Variants in UBAP1 observed in about 807,000 individuals in gnomAD.
UBAP1 encodes ubiquitin-associated protein 1.
In UBAP1, 5 loss-of-function variants were observed where a neutral mutation model predicts 39.0. The observed-to-expected ratio is 0.13, with a 90% CI of 0.07 to 0.27. The LOEUF is 0.27. UBAP1 is among the 10% of genes least tolerant of loss of function. The pLI is 1.00. For synonymous variants in UBAP1, 211 were observed against 225.1 expected (o/e 0.94, Z 0.56); for missense variants, 490 against 608.1 (o/e 0.81, Z 2.04).
At chr9:34,205,565 A>G (rs1310387008) in intron 1 of UBAP1, among the ~76,000 whole-genome samples, 2 of 152,194 alleles carry the variant, frequency 1.3e-5, no homozygotes, top group Non-Finnish European at 2.9e-5. Context: ...GGGAGAGAGT[A>G]AGTGAAAAGC....
At chr9:34,185,521 C>A (rs1830358437) in intron 1 of UBAP1, among the ~76,000 whole-genome samples, 1 of 152,116 alleles carries the variant, frequency 6.6e-6, no homozygotes, top group African/African-American at 2.4e-5. Flanking sequence ...TGCACTCCAG[C>A]CTGGGCAACA....
intron 1 of UBAP1, among the ~76,000 whole-genome samples, chr9:34,218,683 C>T (rs1832485126): frequency 6.6e-6 from 1 of 152,094 alleles, no homozygotes; most frequent in East Asian, 1.9e-4. Flanking sequence ...CCTGTAATTG[C>T]AGCACTTTGG....
intron 2 of UBAP1, among the ~76,000 whole-genome samples, chr9:34,224,858 C>T (rs1203951217): frequency 6.6e-6 from 1 of 152,130 alleles, no homozygotes; most frequent in African/African-American, 2.4e-5. Context: ...GCTGCTTAGC[C>T]TTTCTTCACT....
At chr9:34,225,885 CTAATT>C (rs1279941054) in intron 2 of UBAP1, among the ~76,000 whole-genome samples, 1 of 151,788 alleles carries the variant, frequency 6.6e-6, no homozygotes, top group African/African-American at 2.4e-5. Context: ...TGTTGAGACT[CTAATT>C]TATGAAAAAA....
At chr9:34,183,470 G>C (rs566501722) in intron 1 of UBAP1, among the ~76,000 whole-genome samples, 2 of 151,032 alleles carry the variant, frequency 1.3e-5, no homozygotes, top group East Asian at 4.0e-4. Flanking sequence ...GCGTGAACCC[G>C]GCCACTCCAG....
chr9:34,236,936 T>C (rs1353543861), intron 3 of UBAP1, among the ~76,000 whole-genome samples: 1 of 152,100 alleles, frequency 6.6e-6, no homozygotes, highest in African/African-American at 2.4e-5. Context: ...ACGTTACTAG[T>C]AGTCTGTTAG....
intron 1 of UBAP1, among the ~76,000 whole-genome samples, chr9:34,187,718 TA>T (rs1183817819): frequency 4.6e-5 from 7 of 151,670 alleles, no homozygotes; most frequent in East Asian, 1.9e-4. Flanking sequence ...CTTTTTTTTT[TA>T]AACTCTGTCC....
rs377595940 is a variant in UBAP1, at chr9:34,241,434, A to G, written c.409A>G (p.Ser137Gly). The change falls in exon 4 of 7, where the codon AGT (serine) becomes GGT (glycine). Residue 137 changes from serine to glycine, a missense_variant. Physicochemically the swap from Ser to Gly is moderately conservative, Grantham distance 56. This residue lies in a region of UBAP1 where 144 missense variants were observed against 184.4 expected (regional missense o/e 0.78). Transcript: ENST00000297661. ...CATCCTCACACCAACTCGGGTCAGC[A>G]GTAGTGCCACGAAACAGAAAGTTCT... ...NSILTPTRVSSSATKQKVLSP... is the reference protein window; with the variant it reads ...NSILTPTRVSGSATKQKVLSP... 2.4e-5 allele frequency: 39 copies of G among 1,599,904 alleles called. 1 individual carries two copies. The highest frequency in any genetic ancestry group is 1.7e-4 in the Middle Eastern group (1 of 6,012).
chr9:34,250,123 A>C (rs1308418477), intron 5 of UBAP1, among the ~76,000 whole-genome samples, 162 bp downstream of exon 5: 1 of 152,216 alleles, frequency 6.6e-6, no homozygotes, highest in Non-Finnish European at 1.5e-5. Flanking sequence ...CCTTGGGAGC[A>C]GTACTTCTTT....
At chr9:34,222,841 A>T (rs1419300607) in intron 2 of UBAP1, among the ~76,000 whole-genome samples, 1 of 152,130 alleles carries the variant, frequency 6.6e-6, no homozygotes, top group East Asian at 1.9e-4. Context: ...TTAAGAAAAG[A>T]AAAAGGGAAA....
At chr9:34,231,125 TTATGTGTGTGTGTGTGTGTGTGTGTGTG>T (rs1225699023) in intron 2 of UBAP1, among the ~76,000 whole-genome samples, 2 of 96,694 alleles carry the variant, frequency 2.1e-5, no homozygotes, top group African/African-American at 9.5e-5. Flanking sequence ...TTTAAAAAAA[TTATGTGTGTGTGTGTGTGTGTGTGTGTG>T]TGTGTGTGTG....
At chr9:34,235,249 TAG>T (rs992382749) in intron 3 of UBAP1, among the ~76,000 whole-genome samples, 2 of 151,988 alleles carry the variant, frequency 1.3e-5, no homozygotes, top group African/African-American at 4.8e-5. Flanking sequence ...CACAGTAAGT[TAG>T]AGTTATTATT....
At chr9:34,235,940 C>T (rs113012388) in intron 3 of UBAP1, among the ~76,000 whole-genome samples, 18,829 of 151,464 alleles carry the variant, frequency 0.12, 1,532 homozygotes, top group Non-Finnish European at 0.18. Flanking sequence ...ATGTAACCTC[C>T]GCCTCCACCT....
intron 1 of UBAP1, among the ~76,000 whole-genome samples, chr9:34,215,272 T>C (rs7341762): frequency 0.76 from 114,874 of 151,826 alleles, 43,987 homozygotes; most frequent in East Asian, 0.95. Context: ...TATGTATATA[T>C]GATAGTGTGT....
chr9:34,203,962 A>G (rs997941535), intron 1 of UBAP1, among the ~76,000 whole-genome samples: 3 of 152,238 alleles, frequency 2.0e-5, no homozygotes, highest in African/African-American at 7.2e-5. Flanking sequence ...ACAAAAAATT[A>G]TATTTGCAAT....
intron 2 of UBAP1, among the ~76,000 whole-genome samples, chr9:34,228,769 G>A (rs1213866684): frequency 6.7e-6 from 1 of 148,310 alleles, no homozygotes; most frequent in African/African-American, 2.5e-5. Context: ...TAGTAGAGAC[G>A]GGGGTTTCAC....
At chr9:34,186,351 A>T (rs1202056802) in intron 1 of UBAP1, among the ~76,000 whole-genome samples, 2 of 152,178 alleles carry the variant, frequency 1.3e-5, no homozygotes, top group Non-Finnish European at 2.9e-5. Context: ...TGTATTTGGC[A>T]GTAATCCTCA....
At chr9:34,229,990 G>C (rs1300574305) in intron 2 of UBAP1, among the ~76,000 whole-genome samples, 1 of 151,962 alleles carries the variant, frequency 6.6e-6, no homozygotes, top group Non-Finnish European at 1.5e-5. Flanking sequence ...CTTTAGCACA[G>C]TACTTTTGTA....
intron 1 of UBAP1, 120 bp from the exon 2 acceptor site, chr9:34,220,788 A>T: frequency 1.3e-6 from 1 of 751,834 alleles, no homozygotes; most frequent in African/African-American, 1.8e-5. Context: ...TGGGAGTGAG[A>T]CGTGAGGATT....
Sources: gnomAD v4.1 joint callset for allele counts (sites outside exome capture counted in the v4.1 genomes callset) on GRCh38, gnomAD v4.1.1 for gene constraint, gnomAD v4.1.1 regional missense constraint, MANE v1.5 for transcripts, NCBI Gene and HGNC (gene_info 2026-07-23, HGNC 2026-07-21) for gene names.